Variants in SPMIP10 observed in about 807,000 individuals in gnomAD.
The protein encoded by SPMIP10 is sperm microtubule inner protein 10, also known as sperm-associated microtubule inner protein 10.
chr5:126,632,906 G>A, the SPMIP10 span, among the ~76,000 whole-genome samples: 3 of 151,300 alleles, frequency 2.0e-5, no homozygotes, highest in African/African-American at 7.3e-5. Flanking sequence ...AGAATCTCTT[G>A]AACCCGAGAG....
chr5:126,632,258 T>TAAAA, the SPMIP10 span, among the ~76,000 whole-genome samples: 2 of 57,188 alleles, frequency 3.5e-5, no homozygotes, highest in Non-Finnish European at 6.9e-5. Context: ...TCCATCTCAT[T>TAAAA]AAAAAAAAAA....
chr5:126,631,713 A>C, the SPMIP10 span: 1 of 1,509,700 alleles, frequency 6.6e-7, no homozygotes, highest in Non-Finnish European at 9.2e-7. Context: ...TTAGATGAGT[A>C]TTCCATCCAT....
chr5:126,635,900 A>G, the SPMIP10 span: 1 of 741,706 alleles, frequency 1.3e-6, no homozygotes, highest in Non-Finnish European at 2.3e-6. Context: ...GAGCTCAAGC[A>G]ATCTTCCTGT....
the SPMIP10 span, among the ~76,000 whole-genome samples, chr5:126,633,008 C>CATATATATATATATATATATATATAT: frequency 3.3e-4 from 41 of 125,292 alleles, 1 homozygote; most frequent in African/African-American, 1.4e-3. Flanking sequence ...ATAAATTTTA[C>CATATATATATATATATATATATATAT]ATATATATAT....
the SPMIP10 span, chr5:126,636,273 A>G: frequency 6.5e-7 from 1 of 1,532,328 alleles, no homozygotes; most frequent in Non-Finnish European, 9.0e-7. Flanking sequence ...AAGTGTTTCA[A>G]TCTCTGCTCT....
the SPMIP10 span, among the ~76,000 whole-genome samples, chr5:126,633,034 A>ATATATATATATATAT: frequency 9.2e-6 from 1 of 108,300 alleles, no homozygotes; most frequent in African/African-American, 7.6e-5. Flanking sequence ...TATATATATA[A>ATATATATATATATAT]TTTAGTATGT....
chr5:126,633,956 G>C, the SPMIP10 span, among the ~76,000 whole-genome samples: 3 of 152,088 alleles, frequency 2.0e-5, no homozygotes, highest in African/African-American at 7.2e-5. Flanking sequence ...ACTGTACCCG[G>C]CTCCAGTCAG....
At chr5:126,631,758 T>G in the SPMIP10 span, 2 of 1,612,260 alleles carry the variant, frequency 1.2e-6, no homozygotes, top group African/African-American at 2.7e-5. Flanking sequence ...AAGATACTTG[T>G]CCTACTTTGC....
the SPMIP10 span, among the ~76,000 whole-genome samples, chr5:126,632,843 T>G: frequency 6.6e-6 from 1 of 151,522 alleles, no homozygotes; most frequent in Non-Finnish European, 1.5e-5. Context: ...GAAAATTAGC[T>G]GGGCATGGTG....
the SPMIP10 span, chr5:126,632,489 A>T: frequency 1.0e-6 from 1 of 988,980 alleles, no homozygotes; most frequent in Non-Finnish European, 1.6e-6. Flanking sequence ...GCCTGGAATG[A>T]TGCTAAAATG....
the SPMIP10 span, among the ~76,000 whole-genome samples, chr5:126,633,024 T>TATATATATATATAA: frequency 3.6e-5 from 5 of 138,816 alleles, no homozygotes; most frequent in African/African-American, 1.6e-4. Flanking sequence ...TATATATATA[T>TATATATATATATAA]ATATATATAA....
the SPMIP10 span, among the ~76,000 whole-genome samples, chr5:126,632,258 TAAAAAAAAAAAAA>T: frequency 0.014 from 801 of 57,192 alleles, 22 homozygotes; most frequent in Non-Finnish European, 0.02. Context: ...TCCATCTCAT[TAAAAAAAAAAAAA>T]AAAAAAAAAA....
At chr5:126,635,929 TG>T in the SPMIP10 span, 2 of 978,390 alleles carry the variant, frequency 2.0e-6, no homozygotes, top group Non-Finnish European at 3.1e-6. Context: ...CCCAAATTGC[TG>T]GGATTACAGG....
the SPMIP10 span, among the ~76,000 whole-genome samples, chr5:126,632,923 G>T: frequency 6.6e-6 from 1 of 150,530 alleles, no homozygotes. Context: ...AGAGGCAGAG[G>T]TTGCAGTAAG....
At chr5:126,632,750 G>T in the SPMIP10 span, 1 of 716,614 alleles carries the variant, frequency 1.4e-6, no homozygotes, top group Non-Finnish European at 2.4e-6. Flanking sequence ...CACTTTGGGA[G>T]ACCGAGGCGG....
the SPMIP10 span, chr5:126,632,700 A>C: frequency 1.7e-6 from 2 of 1,162,850 alleles, no homozygotes; most frequent in Middle Eastern, 2.0e-4. Flanking sequence ...AAAAACAAAA[A>C]CATTAAGCCG....
the SPMIP10 span, among the ~76,000 whole-genome samples, chr5:126,635,076 G>A: frequency 1.3e-5 from 2 of 151,596 alleles, no homozygotes. Context: ...GCTGAGGCAG[G>A]AGGATTGCTT....
chr5:126,632,491 G>A, the SPMIP10 span: 2 of 1,023,394 alleles, frequency 2.0e-6, no homozygotes, highest in South Asian at 1.3e-5. Flanking sequence ...CTGGAATGAT[G>A]CTAAAATGAT....
At chr5:126,635,921 C>T in the SPMIP10 span, 3 of 918,392 alleles carry the variant, frequency 3.3e-6, no homozygotes, top group South Asian at 4.8e-5. Context: ...CTTGGCCTCC[C>T]AAATTGCTGG....
Sources: allele counts gnomAD v4.1 joint callset (sites outside exome capture counted in the v4.1 genomes callset), GRCh38; gene constraint gnomAD v4.1.1; transcripts MANE v1.5; gene names NCBI Gene and HGNC (gene_info 2026-07-23, HGNC 2026-07-21).